FAM234A: variants seen among roughly 807,000 people sequenced by gnomAD.
FAM234A encodes protein FAM234A.
Under a neutral mutation model 49.1 loss-of-function variants are expected in FAM234A, and 42 were observed. That is an observed-to-expected ratio of 0.86 (90% CI 0.67 to 1.11). FAM234A has a LOEUF of 1.11. FAM234A is among the 50% of genes least tolerant of loss of function. The pLI is 0.00. For missense variants in FAM234A, 815 were observed against 745.2 expected (o/e 1.09, Z -1.09); for synonymous variants, 369 against 316.2 (o/e 1.17, Z -1.77).
At chr16:269,139 C>T (rs1240290845), downstream of FAM234A, 22 of 909,930 alleles carry the variant, frequency 2.4e-5, 1 homozygote, top group Middle Eastern at 3.2e-4. Flanking sequence ...AAGACTGGGC[C>T]CCCTGGGCAC....
At chr16:267,238 T>C (rs1398500251), downstream of FAM234A, among the ~76,000 whole-genome samples, 1 of 151,722 alleles carries the variant, frequency 6.6e-6, no homozygotes, top group African/African-American at 2.4e-5. Flanking sequence ...TCCTCACTGT[T>C]CCCCCTCTGG....
intron 1 of FAM234A, among the ~76,000 whole-genome samples, chr16:240,461 C>T (rs2050570919): frequency 6.6e-6 from 1 of 151,046 alleles, no homozygotes; most frequent in African/African-American, 2.4e-5. Context: ...GTGGGGGTCA[C>T]CCCAAACTTA....
chr16:242,439 C>G (rs2050649816), intron 1 of FAM234A, among the ~76,000 whole-genome samples: 1 of 152,060 alleles, frequency 6.6e-6, no homozygotes, highest in South Asian at 2.1e-4. Context: ...GTCTTGAACT[C>G]CTGTCCTCCA....
At chr16:269,861 G>A (rs1305912350), downstream of FAM234A, 1 of 395,438 alleles carries the variant, frequency 2.5e-6, no homozygotes, top group African/African-American at 2.1e-5. Context: ...TCAGCCATTA[G>A]CGGGAACCAG....
In FAM234A at chr16:264,139, G is replaced by A. The variant is rs772252493; in HGVS notation, c.1312G>A (p.Gly438Ser). The change falls in exon 11 of 13, where the codon GGC becomes AGC. Residue 438 changes from glycine to serine, a missense_variant. Physicochemically the swap from Gly to Ser is moderately conservative, Grantham distance 56 (BLOSUM62 0). Coordinates refer to ENST00000399932, the MANE Select transcript of FAM234A (RefSeq NM_032039.4). ...ADHRSAFFFW[G>S]LHELGSTSET... ...CCACCGCTCAGCCTTCTTCTTCTGGGGCCTCCACGAGCTGGGGAGCACCAG... is the reference window on the plus strand; with the variant it reads ...CCACCGCTCAGCCTTCTTCTTCTGGAGCCTCCACGAGCTGGGGAGCACCAG... 2.5e-6 allele frequency: 4 copies of A among 1,607,758 alleles called. No individual in the cohort carries two copies. In the Admixed American group the frequency reaches 6.7e-5, roughly 27 times the overall value.
downstream of FAM234A, among the ~76,000 whole-genome samples, chr16:266,457 G>T (rs1022836236): frequency 6.6e-6 from 1 of 152,174 alleles, no homozygotes; most frequent in Non-Finnish European, 1.5e-5. Context: ...TGGTAGGGCC[G>T]GGGTGAGCTC....
chr16:260,195 G>C, intron 5 of FAM234A, 35 bp downstream of exon 5: 1 of 1,595,816 alleles, frequency 6.3e-7, no homozygotes, highest in South Asian at 1.1e-5. Context: ...CTCACTGAGG[G>C]CCTCTCACCT....
chr16:263,149 G>A (rs2051543346), intron 8 of FAM234A, 113 bp from the exon 9 acceptor site: 9 of 1,273,516 alleles, frequency 7.1e-6, no homozygotes, highest in African/African-American at 5.9e-5. Flanking sequence ...ACTGAGAAAC[G>A]GGTTATGGGG....
chr16:253,750 A>G (rs1274103257), intron 2 of FAM234A: 1 of 152,674 alleles, frequency 6.5e-6, no homozygotes, highest in East Asian at 1.9e-4. Flanking sequence ...CTGGGATTAC[A>G]GGTGTGAGCC....
intron 1 of FAM234A, among the ~76,000 whole-genome samples, chr16:236,591 C>T (rs1255284530): frequency 6.7e-6 from 1 of 148,984 alleles, no homozygotes; most frequent in Non-Finnish European, 1.5e-5. Context: ...CCACTACGCT[C>T]TGGAGACATA....
downstream of FAM234A, chr16:268,551 T>C: frequency 1.7e-6 from 1 of 587,098 alleles, no homozygotes; most frequent in Non-Finnish European, 3.0e-6. Flanking sequence ...CAGGGACGCC[T>C]GGCAAGGATC....
downstream of FAM234A, chr16:266,241 G>A (rs957002646): frequency 6.1e-5 from 18 of 297,288 alleles, no homozygotes; most frequent in Admixed American, 1.3e-4. Flanking sequence ...CCGAGGAGGC[G>A]AGCACCCCCA....
At chr16:242,849 C>T (rs1339272284) in intron 1 of FAM234A, among the ~76,000 whole-genome samples, 2 of 151,802 alleles carry the variant, frequency 1.3e-5, no homozygotes, top group Non-Finnish European at 2.9e-5. Context: ...CCTGACCTTG[C>T]GATCCACCCA....
intron 2 of FAM234A, among the ~76,000 whole-genome samples, chr16:252,178 GTTTTTTGT>G (rs1299786597): frequency 1.4e-4 from 18 of 126,114 alleles, no homozygotes; most frequent in Admixed American, 7.2e-4. Context: ...CTGTTTTTCT[GTTTTTTGT>G]TTTTTTTTTT....
chr16:239,720 C>T (rs2050546167), intron 1 of FAM234A, among the ~76,000 whole-genome samples: 2 of 151,972 alleles, frequency 1.3e-5, no homozygotes, highest in African/African-American at 2.4e-5. Flanking sequence ...GGACAGACTA[C>T]AAAACTTATT....
rs1324888242 is a variant in FAM234A at position 259,971 on chromosome 16, T to C, written c.388T>C (p.Phe130Leu). The C allele has an allele frequency of 1.2e-6, 2 of 1,612,194 alleles. No individual in the cohort carries two copies. The highest frequency in any genetic ancestry group is 1.8e-4 in the Middle Eastern group (1 of 5,706). The change falls in exon 5 of 13, where the codon TTT (phenylalanine) becomes CTT (leucine). Residue 130 changes from phenylalanine to leucine, a missense_variant and splice_region_variant. Phe to Leu is a conservative substitution (Grantham distance 22, BLOSUM62 0). Transcript: ENST00000399932. ...NFSRSCVDEG[F>L]SSPCTFAAAV... ...GGTGCCGGTGTCTCTCCCTACAGGC[T>C]TTTCCTCTCCCTGCACCTTTGCAGC... is the stretch of plus-strand genomic sequence containing the variant.
downstream of FAM234A, chr16:268,752 G>A (rs1295443777): frequency 2.1e-5 from 33 of 1,546,142 alleles, no homozygotes; most frequent in Non-Finnish European, 2.6e-5. Flanking sequence ...CCTCAGCACG[G>A]CACTCTCTTG....
Position 266,057 on chromosome 16 carries a change from G to A in FAM234A, c.*1035G>A. 1 of 986,034 alleles carries A rather than the reference G, an allele frequency of 1.0e-6. No individual in the cohort carries two copies. The highest frequency in any genetic ancestry group is 1.2e-6 in the Non-Finnish European group (1 of 830,102). 61.1% of individuals were successfully genotyped at this position (986,034 alleles called of 1,614,324 possible). On this transcript the variant is annotated 3_prime_UTR_variant, in exon 13 of 13. Transcript: ENST00000399932. ...AGCAGCCTGATGACCCACCCACCAA[G>A]GAAGAAAGCAGAATAAACATTTTTG...
intron 4 of FAM234A, 67 bp downstream of exon 4, chr16:259,666 CCT>C: frequency 3.9e-6 from 4 of 1,014,726 alleles, no homozygotes; most frequent in Middle Eastern, 2.1e-4. Context: ...TTTGGGTCAC[CCT>C]CTCGCTTTCA....
Sources: allele counts gnomAD v4.1 joint callset (sites outside exome capture counted in the v4.1 genomes callset), GRCh38; gene constraint gnomAD v4.1.1; transcripts MANE v1.5; gene names NCBI Gene and HGNC (gene_info 2026-07-23, HGNC 2026-07-21).